NALF1: variants seen among roughly 807,000 people sequenced by gnomAD.
The protein encoded by NALF1 is family with sequence similarity 155 member A.
NALF1 carries 3 observed loss-of-function variants against 48.4 expected under a neutral mutation model. The observed-to-expected ratio is 0.06, with a 90% CI of 0.03 to 0.16. NALF1 has a LOEUF of 0.16. NALF1 is among the 10% of genes least tolerant of loss of function. The pLI is 1.00. For synonymous variants in NALF1, 262 were observed against 245.7 expected (o/e 1.07, Z -0.62); for missense variants, 526 against 571.5 (o/e 0.92, Z 0.81).
At chr13:107,782,388 G>T (rs911966131) in intron 1 of NALF1, among the ~76,000 whole-genome samples, 3 of 152,160 alleles carry the variant, frequency 2.0e-5, no homozygotes, top group Non-Finnish European at 2.9e-5. Context: ...GCAGTGGCGT[G>T]ATCTCGGCTC....
At chr13:107,549,760 G>A (rs1165148796) in intron 1 of NALF1, among the ~76,000 whole-genome samples, 2 of 151,972 alleles carry the variant, frequency 1.3e-5, no homozygotes, top group Non-Finnish European at 2.9e-5. Context: ...ATCAGGAAAT[G>A]AATATTGTTA....
chr13:107,436,287 T>C (rs774425883), intron 1 of NALF1, among the ~76,000 whole-genome samples: 2 of 152,080 alleles, frequency 1.3e-5, no homozygotes, highest in Non-Finnish European at 2.9e-5. Flanking sequence ...AGTAAACAAT[T>C]TACAAAACAT....
At chr13:107,320,618 C>T (rs777576290) in intron 1 of NALF1, among the ~76,000 whole-genome samples, 9 of 152,012 alleles carry the variant, frequency 5.9e-5, no homozygotes, top group Non-Finnish European at 1.0e-4. Context: ...TACTATTGAA[C>T]GAATAGGGCT....
intron 1 of NALF1, among the ~76,000 whole-genome samples, chr13:107,705,965 T>C (rs1343683091): frequency 6.6e-6 from 1 of 151,922 alleles, no homozygotes. Flanking sequence ...GAGAAAGAGA[T>C]AGACTCTTTG....
intron 1 of NALF1, among the ~76,000 whole-genome samples, chr13:107,482,375 T>C (rs1885267324): frequency 6.6e-6 from 1 of 152,162 alleles, no homozygotes; most frequent in South Asian, 2.1e-4. Flanking sequence ...ATTGGTTATG[T>C]GTCTCCAGAG....
At chr13:107,403,776 A>AT (rs1433527750) in intron 1 of NALF1, among the ~76,000 whole-genome samples, 1 of 151,782 alleles carries the variant, frequency 6.6e-6, no homozygotes, top group Non-Finnish European at 1.5e-5. Flanking sequence ...GTTACACACC[A>AT]TTTTAGCTTT....
At chr13:107,680,610 G>GAC (rs1422698398) in intron 1 of NALF1, among the ~76,000 whole-genome samples, 1 of 4,936 alleles carries the variant, frequency 2.0e-4, no homozygotes, top group East Asian at 0.023. Context: ...ATGTGTGCAC[G>GAC]AGTGAGGGTG....
chr13:107,623,155 A>G (rs1489016216), intron 1 of NALF1, among the ~76,000 whole-genome samples: 1 of 152,190 alleles, frequency 6.6e-6, no homozygotes, highest in Non-Finnish European at 1.5e-5. Context: ...ATAAATAAAA[A>G]GACACATACA....
intron 2 of NALF1, among the ~76,000 whole-genome samples, chr13:107,202,296 G>T (rs1430011950): frequency 6.6e-6 from 1 of 150,622 alleles, no homozygotes; most frequent in Admixed American, 6.6e-5. Context: ...TGGAAATTTA[G>T]CTATTTTGAT....
intron 1 of NALF1, among the ~76,000 whole-genome samples, chr13:107,259,124 G>A (rs574335584): frequency 1.3e-5 from 2 of 152,190 alleles, no homozygotes; most frequent in Non-Finnish European, 2.9e-5. Context: ...TGCATCAGGG[G>A]AAAGTGTGCC....
At chr13:107,341,967 T>C (rs183944605) in intron 1 of NALF1, among the ~76,000 whole-genome samples, 8 of 152,150 alleles carry the variant, frequency 5.3e-5, no homozygotes, top group Admixed American at 5.2e-4. Flanking sequence ...TCAGTAGGTG[T>C]TTGATAGCTA....
chr13:107,523,195 T>C (rs751417595), intron 1 of NALF1, among the ~76,000 whole-genome samples: 2 of 152,098 alleles, frequency 1.3e-5, no homozygotes, highest in Admixed American at 6.5e-5. Flanking sequence ...TCAGAGCCAT[T>C]GTTCTCCACA....
chr13:107,848,076 C>G (rs1880217568), intron 1 of NALF1, among the ~76,000 whole-genome samples: 1 of 152,180 alleles, frequency 6.6e-6, no homozygotes. Context: ...CTAATTCATG[C>G]TTTCCTTCAG....
At chr13:107,443,040 A>G (rs760085202) in intron 1 of NALF1, among the ~76,000 whole-genome samples, 2 of 152,256 alleles carry the variant, frequency 1.3e-5, no homozygotes, top group Non-Finnish European at 2.9e-5. Context: ...AATAATTCAT[A>G]TTAAGAAGGC....
At chr13:107,585,187 G>A (rs559282237) in intron 1 of NALF1, among the ~76,000 whole-genome samples, 271 of 152,034 alleles carry the variant, frequency 1.8e-3, no homozygotes, top group Non-Finnish European at 2.9e-3. Context: ...ATAATCAGTT[G>A]TTTAAATAAA....
chr13:107,450,747 T>A (rs1249467289), intron 1 of NALF1, among the ~76,000 whole-genome samples: 2 of 152,198 alleles, frequency 1.3e-5, no homozygotes, highest in African/African-American at 4.8e-5. Flanking sequence ...AGAGGAGTCC[T>A]CATTATTGCC....
rs762750416 is a variant in NALF1 at position 107,492,032 on chromosome 13, G to GTTTT, written c.916-281281_916-281278dup. ...GTTTCATTTTTACAAGCCTGTCTGG[G>GTTTT]TTTTTTTTTGTTTTTTTTTTTTTTT... On this transcript the variant is annotated intron_variant, in intron 1 of 2. Coordinates refer to ENST00000375915, the MANE Select transcript of NALF1 (RefSeq NM_001080396.3). Among the ~76,000 whole-genome samples the GTTTT allele has an allele frequency of 2.9e-3, 296 of 103,250 alleles. 18 individuals are homozygous for GTTTT. Among genetic ancestry groups the GTTTT allele is most frequent in the African/African-American group, 8.7e-3 (213 of 24,388 alleles). The allele number at this position is 103,250 out of a possible 152,430, so 67.7% of individuals were successfully genotyped here. A position where few individuals can be genotyped will look rare whatever the true frequency, so the allele number is the denominator to read the frequency against.
intron 1 of NALF1, among the ~76,000 whole-genome samples, chr13:107,808,482 C>T (rs562590267): frequency 2.2e-4 from 33 of 152,068 alleles, no homozygotes; most frequent in Non-Finnish European, 4.7e-4. Flanking sequence ...TGACTTCCTG[C>T]ACAACAGGGT....
At chr13:107,552,519 G>T (rs1457368642) in intron 1 of NALF1, among the ~76,000 whole-genome samples, 2 of 152,028 alleles carry the variant, frequency 1.3e-5, no homozygotes, top group Non-Finnish European at 2.9e-5. Flanking sequence ...AGAAAATCAG[G>T]AGTCCATCAG....
Sources: allele counts gnomAD v4.1 joint callset (sites outside exome capture counted in the v4.1 genomes callset), GRCh38; gene constraint gnomAD v4.1.1; transcripts MANE v1.5; gene names NCBI Gene and HGNC (gene_info 2026-07-23, HGNC 2026-07-21).